Variants in REST observed in about 807,000 individuals in gnomAD.
REST encodes the protein RE1-silencing transcription factor.
Under a neutral mutation model 30.4 loss-of-function variants are expected in REST, and 1 was observed. The ratio of observed to expected loss-of-function variants is 0.03; its 90% confidence interval spans 0.01 to 0.16. The LOEUF (loss-of-function observed/expected upper bound fraction) is 0.16, where lower values mean the gene tolerates loss of function less well. Among genes scored for constraint, REST ranks in the 10% least tolerant of loss-of-function variants. The pLI is 1.00. For missense variants in REST, 1,259 were observed against 1,329.5 expected (o/e 0.95, Z 0.82); for synonymous variants, 504 against 451.1 (o/e 1.12, Z -1.49).
chr4:56,930,936 C>G lies in REST; in HGVS notation c.2078C>G (p.Thr693Ser). ...AHMELPPPME[T>S]AQTEVAQMGP... ...ATGGAGCTGCCTCCTCCCATGGAGA[C>G]TGCTCAGACGGAGGTTGCCCAAATG... is the stretch of plus-strand genomic sequence containing the variant. The change falls in exon 4 of 4, where the codon ACT (threonine) becomes AGT (serine). Residue 693 changes from threonine (T) to serine (S), a missense_variant. Coordinates refer to ENST00000309042, the MANE Select transcript of REST (RefSeq NM_005612.5). The G allele has an allele frequency of 6.2e-7, 1 of 1,613,808 alleles. No homozygotes were observed. The highest frequency in any genetic ancestry group is 8.5e-7 in the Non-Finnish European group (1 of 1,179,762).
At chr4:56,916,630 G>A (rs1170745758) in intron 2 of REST, among the ~76,000 whole-genome samples, 1 of 152,002 alleles carries the variant, frequency 6.6e-6, no homozygotes, top group Non-Finnish European at 1.5e-5. Context: ...GAGCGAGACT[G>A]CGTCTCAAAA....
At chr4:56,918,068 A>G (rs1720286643) in intron 2 of REST, among the ~76,000 whole-genome samples, 1 of 151,406 alleles carries the variant, frequency 6.6e-6, no homozygotes, top group South Asian at 2.1e-4. Flanking sequence ...AAAAAAAAAA[A>G]GGCTTGTTTT....
intron 3 of REST, 93 bp from the exon 4 acceptor site, chr4:56,929,748 C>A: frequency 8.9e-7 from 1 of 1,128,104 alleles, no homozygotes; most frequent in Non-Finnish European, 1.3e-6. Flanking sequence ...TTTAAATAGT[C>A]TTTGTTGTTA....
At chr4:56,912,670 A>G (rs914300182) in intron 2 of REST, among the ~76,000 whole-genome samples, 21 of 152,070 alleles carry the variant, frequency 1.4e-4, no homozygotes, top group Non-Finnish European at 2.6e-4. Flanking sequence ...GCCCACCACC[A>G]CACCCAGCTG....
At position 56,911,251 on chromosome 4, in the gene REST, A is replaced by G. The variant is rs981639576; in HGVS notation, c.613A>G (p.Thr205Ala). The G allele has an allele frequency of 2.1e-5, 34 of 1,614,042 alleles. No homozygotes were observed. Among genetic ancestry groups the G allele is most frequent in the Non-Finnish European group, 2.9e-5 (34 of 1,180,012 alleles). Residue 205 changes from threonine (T) to alanine (A), a missense_variant, in exon 2 of 4, where the codon ACT becomes GCT. Coordinates refer to ENST00000309042, the MANE Select transcript of REST (RefSeq NM_005612.5). ...QAKARESGSS[T>A]AEEGDFSKGP... ...AAAAGCCAGGGAATCTGGCTCTTCC[A>G]CTGCAGAAGAGGGAGATTTCTCCAA...
intron 3 of REST, among the ~76,000 whole-genome samples, chr4:56,927,404 A>G (rs1720761998): frequency 6.6e-6 from 1 of 152,216 alleles, no homozygotes; most frequent in Non-Finnish European, 1.5e-5. Context: ...AGTCAGCTGA[A>G]TATCTAATTT....
Position 56,931,686 on chromosome 4 carries a change from T to G in REST, c.2828T>G (p.Ile943Arg). Residue 943 changes from isoleucine to arginine, a missense_variant, in exon 4 of 4, where the codon ATA (isoleucine) becomes AGA (arginine). Around this residue, in one of 5 missense-constraint regions of REST, gnomAD observed 856 missense variants for 772.8 expected, o/e 1.11. Transcript: ENST00000309042. The part of the protein sequence containing the change: ...TLNGKHQTDS[I>R]VCEMKMDTDQ... ...AATGGTAAACATCAGACTGACAGTA[T>G]AGTTTGTGAAATGAAAATGGACACT... is the stretch of plus-strand genomic sequence containing the variant. 1 of 1,614,194 alleles carries G rather than the reference T, an allele frequency of 6.2e-7. No homozygotes were observed. Among genetic ancestry groups the G allele is most frequent in the Non-Finnish European group, 8.5e-7 (1 of 1,180,028 alleles).
intron 2 of REST, among the ~76,000 whole-genome samples, chr4:56,913,646 T>TTTTTG (rs752044408): frequency 8.1e-4 from 123 of 152,156 alleles, no homozygotes; most frequent in Non-Finnish European, 1.3e-3. Context: ...GTAGACTTAA[T>TTTTTG]TTTTGTTTTG....
intron 3 of REST, among the ~76,000 whole-genome samples, chr4:56,923,786 A>T (rs570235756): frequency 2.6e-5 from 4 of 151,172 alleles, no homozygotes; most frequent in African/African-American, 9.7e-5. Context: ...CAATGGTGCG[A>T]CCTCGGCTCA....
At chr4:56,920,617 C>G (rs572537339) in intron 3 of REST, among the ~76,000 whole-genome samples, 5 of 151,810 alleles carry the variant, frequency 3.3e-5, no homozygotes, top group Non-Finnish European at 5.9e-5. Context: ...ACAAAATTAG[C>G]CAGGCGTGGT....
At chr4:56,908,496 C>G (rs1578481621) in intron 1 of REST, among the ~76,000 whole-genome samples, 1 of 152,006 alleles carries the variant, frequency 6.6e-6, no homozygotes, top group South Asian at 2.1e-4. Flanking sequence ...CGCCTCCGCG[C>G]TGGCCCGGAC....
In REST at chr4:56,932,571, A is replaced by C. The variant is rs1053913829; in HGVS notation, c.*419A>C. 1.3e-5 allele frequency: 2 copies of C among 148,788 alleles called. No individual in the cohort carries two copies. The highest frequency in any genetic ancestry group is 1.9e-4 in the East Asian group (1 of 5,166). The allele number at this position is 148,788 out of a possible 1,614,324, so 9.2% of individuals were successfully genotyped here. On this transcript the variant is annotated 3_prime_UTR_variant, in exon 4 of 4. Transcript: ENST00000309042. ...CTTGAAGAATTTGCCTGCTTTATATAAAGTTAGCACTTTAAGATTTTTTTT... is the reference window on the plus strand; with the variant it reads ...CTTGAAGAATTTGCCTGCTTTATATCAAGTTAGCACTTTAAGATTTTTTTT...
intron 2 of REST, among the ~76,000 whole-genome samples, chr4:56,918,524 TTC>T (rs1243869010): frequency 6.6e-6 from 1 of 152,122 alleles, no homozygotes; most frequent in Non-Finnish European, 1.5e-5. Flanking sequence ...ATTGATGACC[TTC>T]TCTTAAATTT....
At chr4:56,908,352 G>A (rs1308331072) in intron 1 of REST, 139 bp downstream of exon 1, 4 of 156,766 alleles carry the variant, frequency 2.6e-5, no homozygotes, top group Admixed American at 6.5e-5. Context: ...CTGTGGCTCC[G>A]GCGGCGGCGG....
intron 3 of REST, among the ~76,000 whole-genome samples, chr4:56,923,278 T>C (rs969081340): frequency 4.6e-5 from 7 of 152,166 alleles, no homozygotes; most frequent in Non-Finnish European, 7.3e-5. Flanking sequence ...AATTTTGTTG[T>C]TGTTGTTTTT....
At chr4:56,908,285 C>G (rs781655) in intron 1 of REST, 72 bp downstream of exon 1, 141,195 of 151,334 alleles carry the variant, frequency 0.93, 66,071 homozygotes, top group African/African-American at 0.97. Context: ...AGTGGCGGGA[C>G]GGGGAGGGCG....
At position 56,931,642 on chromosome 4, in the gene REST, G is replaced by A. The variant is rs1483843069; in HGVS notation, c.2784G>A (p.Thr928=). 1.9e-6 allele frequency: 3 copies of A among 1,614,192 alleles called. No homozygotes were observed. The highest frequency in any genetic ancestry group is 2.5e-6 in the Non-Finnish European group (3 of 1,180,030). The change falls in exon 4 of 4, where the codon ACG becomes ACA. Residue 928 remains threonine, a synonymous_variant. Transcript: ENST00000309042. ...CATCCTCTGGACAAAACTTGAATAC[G>A]CCAGAGGGTGAAACTTTAAATGGTA... The part of the protein sequence containing the change: ...HISSSGQNLN[T]PEGETLNGKH...
At chr4:56,908,775 G>C (rs1357503741) in intron 1 of REST, 1 of 151,870 alleles carries the variant, frequency 6.6e-6, no homozygotes, top group Non-Finnish European at 1.5e-5. Context: ...GTCCGGCGCC[G>C]CTGGCCCCCG....
intron 2 of REST, among the ~76,000 whole-genome samples, chr4:56,914,922 CTTTTTTTTT>C (rs10589188): frequency 1.1e-5 from 1 of 92,116 alleles, no homozygotes; most frequent in African/African-American, 4.3e-5. Flanking sequence ...TTTTTTTTAA[CTTTTTTTTT>C]TTTTTTTTTT....
Sources: gnomAD v4.1 joint callset for allele counts (sites outside exome capture counted in the v4.1 genomes callset) on GRCh38, gnomAD v4.1.1 for gene constraint, gnomAD v4.1.1 regional missense constraint, MANE v1.5 for transcripts, NCBI Gene and HGNC (gene_info 2026-07-23, HGNC 2026-07-21) for gene names.